The following FBXW7 variants were observed in gnomAD, a reference collection of about 807,000 sequenced individuals.
FBXW7 encodes the protein F-box and WD repeat domain containing 7.
FBXW7 carries 11 observed loss-of-function variants against 86.3 expected under a neutral mutation model. The observed-to-expected ratio is 0.13, with a 90% CI of 0.08 to 0.21. The LOEUF is 0.21. FBXW7 is among the 10% of genes least tolerant of loss of function. The pLI is 1.00. For missense variants in FBXW7, 488 were observed against 847.4 expected, an observed-to-expected ratio of 0.58 and a Z score of 5.27; for synonymous variants, 313 against 297.9, an observed-to-expected ratio of 1.05 and a Z score of -0.52.
At chr4:152,388,021 A>C (rs1486893587) in intron 4 of FBXW7, among the ~76,000 whole-genome samples, 1 of 152,068 alleles carries the variant, frequency 6.6e-6, no homozygotes, top group African/African-American at 2.4e-5. Context: ...ATATCTTTTA[A>C]AGTTTTAGTA....
intron 2 of FBXW7, among the ~76,000 whole-genome samples, chr4:152,443,925 T>C (rs1741132735): frequency 6.6e-6 from 1 of 152,210 alleles, no homozygotes; most frequent in South Asian, 2.1e-4. Context: ...ATAAGACATG[T>C]AAAGATGAAA....
chr4:152,446,689 G>A (rs753650436), intron 2 of FBXW7, among the ~76,000 whole-genome samples: 25 of 152,092 alleles, frequency 1.6e-4, no homozygotes, highest in Middle Eastern at 3.2e-3. Context: ...ACCAATCATA[G>A]TTATCTTTCT....
At chr4:152,399,527 A>G (rs1456732933) in intron 4 of FBXW7, among the ~76,000 whole-genome samples, 1 of 152,166 alleles carries the variant, frequency 6.6e-6, no homozygotes, top group Non-Finnish European at 1.5e-5. Flanking sequence ...AGGAAATAAC[A>G]CTGTCTTTTT....
chr4:152,429,966 TTTGTTGTTGTTG>T (rs138677761), intron 2 of FBXW7, among the ~76,000 whole-genome samples: 2 of 152,104 alleles, frequency 1.3e-5, no homozygotes, highest in Non-Finnish European at 2.9e-5. Flanking sequence ...ATTTTATGGC[TTTGTTGTTGTTG>T]TTGTTGTTGT....
chr4:152,336,452 G>A (rs1425173248), intron 7 of FBXW7, among the ~76,000 whole-genome samples: 1 of 151,988 alleles, frequency 6.6e-6, no homozygotes, highest in Non-Finnish European at 1.5e-5. Flanking sequence ...GAGACTATGA[G>A]AAAGCCTGCA....
At chr4:152,438,237 T>G (rs959369632) in intron 2 of FBXW7, among the ~76,000 whole-genome samples, 1 of 152,356 alleles carries the variant, frequency 6.6e-6, no homozygotes, top group East Asian at 1.9e-4. Flanking sequence ...CAGAATGCTA[T>G]TGCATACTTA....
chr4:152,423,479 A>G (rs893482110), intron 2 of FBXW7, among the ~76,000 whole-genome samples: 1 of 152,226 alleles, frequency 6.6e-6, no homozygotes, highest in Non-Finnish European at 1.5e-5. Context: ...TTTGCCAAAC[A>G]TGTCAAGAGT....
At chr4:152,452,949 G>A (rs1742043668) in intron 2 of FBXW7, among the ~76,000 whole-genome samples, 1 of 152,344 alleles carries the variant, frequency 6.6e-6, no homozygotes, top group Non-Finnish European at 1.5e-5. Context: ...CTGGGAGGCT[G>A]AGGCAGGTGG....
At chr4:152,496,220 G>C (rs552333610) in intron 2 of FBXW7, among the ~76,000 whole-genome samples, 1 of 152,070 alleles carries the variant, frequency 6.6e-6, no homozygotes, top group Admixed American at 6.6e-5. Flanking sequence ...GCAAGATTGA[G>C]AGATACAAAA....
chr4:152,484,622 T>C (rs1381747650), intron 2 of FBXW7, among the ~76,000 whole-genome samples: 3 of 152,198 alleles, frequency 2.0e-5, no homozygotes, highest in Non-Finnish European at 4.4e-5. Flanking sequence ...TTTTAAATTA[T>C]TAAATGCTCA....
At chr4:152,529,797 T>C (rs1749847013) in intron 2 of FBXW7, among the ~76,000 whole-genome samples, 1 of 152,014 alleles carries the variant, frequency 6.6e-6, no homozygotes, top group African/African-American at 2.4e-5. Context: ...ATGCATGGCC[T>C]TTGGGGTTAC....
chr4:152,472,636 A>T (rs770233054), intron 2 of FBXW7, among the ~76,000 whole-genome samples: 3 of 152,184 alleles, frequency 2.0e-5, no homozygotes, highest in Non-Finnish European at 4.4e-5. Flanking sequence ...ATTACCTTTC[A>T]TGTAAAGGAA....
At chr4:152,399,319 C>T (rs1266002811) in intron 4 of FBXW7, among the ~76,000 whole-genome samples, 1 of 152,144 alleles carries the variant, frequency 6.6e-6, no homozygotes, top group Admixed American at 6.6e-5. Context: ...GAGGAACTTT[C>T]TCAACTTGAT....
intron 2 of FBXW7, among the ~76,000 whole-genome samples, chr4:152,520,526 T>A (rs1748919847): frequency 6.6e-6 from 1 of 152,076 alleles, no homozygotes. Context: ...TCCTCTTTCT[T>A]TCCTACACCT....
At chr4:152,484,141 T>C (rs1332957316) in intron 2 of FBXW7, among the ~76,000 whole-genome samples, 2 of 152,318 alleles carry the variant, frequency 1.3e-5, no homozygotes, top group East Asian at 3.9e-4. Context: ...GTTATTTTCT[T>C]CATACAAATC....
chr4:152,486,540 C>A (rs1308520638), intron 2 of FBXW7, among the ~76,000 whole-genome samples: 1 of 152,138 alleles, frequency 6.6e-6, no homozygotes, highest in East Asian at 1.9e-4. Context: ...TAGCCCTACA[C>A]AGGGTCAGGA....
intron 2 of FBXW7, among the ~76,000 whole-genome samples, chr4:152,444,531 T>C (rs531479264): frequency 6.6e-6 from 1 of 152,210 alleles, no homozygotes; most frequent in Non-Finnish European, 1.5e-5. Context: ...GTTCCTAAAA[T>C]GAGTACCACA....
chr4:152,354,395 T>C (rs1267348838), intron 4 of FBXW7, among the ~76,000 whole-genome samples: 3 of 152,108 alleles, frequency 2.0e-5, no homozygotes, highest in Admixed American at 2.0e-4. Flanking sequence ...TGTCAGAAGT[T>C]CTGAGGACTC....
At chr4:152,352,611 T>G in intron 4 of FBXW7, 1 of 1,613,862 alleles carries the variant, frequency 6.2e-7, no homozygotes, top group Non-Finnish European at 8.5e-7. Flanking sequence ...ATGTCACAGA[T>G]TCTAATGTGG....
Sources: allele counts gnomAD v4.1 joint callset (sites outside exome capture counted in the v4.1 genomes callset), GRCh38; gene constraint gnomAD v4.1.1; transcripts MANE v1.5; gene names NCBI Gene and HGNC (gene_info 2026-07-23, HGNC 2026-07-21).